DOCK9: variants seen among roughly 807,000 people sequenced by gnomAD.
The protein encoded by DOCK9 is dedicator of cytokinesis 9.
In DOCK9, 89 loss-of-function variants were observed where a neutral mutation model predicts 263.3. The observed-to-expected ratio is 0.34, with a 90% confidence interval of 0.28 to 0.40. DOCK9 has a LOEUF of 0.40. Among genes scored for constraint, DOCK9 ranks in the 10% least tolerant of loss-of-function variants. The pLI is 1.00. For synonymous variants in DOCK9, 976 were observed against 973.1 expected (o/e 1.00, Z -0.06); for missense variants, 2,140 against 2,603.4 (o/e 0.82, Z 3.87).
At chr13:98,955,716 A>C (rs1284239303) in intron 1 of DOCK9, among the ~76,000 whole-genome samples, 165 bp from the exon 2 acceptor site, 1 of 152,260 alleles carries the variant, frequency 6.6e-6, no homozygotes, top group East Asian at 1.9e-4. Flanking sequence ...AAAGGGACAA[A>C]AAATGCTGGG....
intron 2 of DOCK9, among the ~76,000 whole-genome samples, chr13:98,954,276 G>C (rs1223430888): frequency 6.6e-6 from 1 of 150,526 alleles, no homozygotes; most frequent in Non-Finnish European, 1.5e-5. Flanking sequence ...ATTCACAAAA[G>C]ACAGGGCTTA....
At chr13:99,077,827 T>C (rs551780624) in intron 1 of DOCK9, among the ~76,000 whole-genome samples, 3 of 152,318 alleles carry the variant, frequency 2.0e-5, no homozygotes, top group Non-Finnish European at 2.9e-5. Context: ...CAGGACAATA[T>C]GGAACTAGGC....
intron 18 of DOCK9, among the ~76,000 whole-genome samples, chr13:98,887,143 A>ATATATATATTTT (rs1470080750): frequency 6.3e-5 from 6 of 95,258 alleles, no homozygotes; most frequent in African/African-American, 2.6e-4. Flanking sequence ...ATATATATAT[A>ATATATATATTTT]TTTTTTTTTT....
chr13:98,978,945 T>C (rs1876148368), upstream of DOCK9, among the ~76,000 whole-genome samples: 1 of 152,200 alleles, frequency 6.6e-6, no homozygotes, highest in South Asian at 2.1e-4. Flanking sequence ...TGGAGTCTTT[T>C]TTACCTCTTG....
intron 1 of DOCK9, among the ~76,000 whole-genome samples, chr13:99,043,876 G>A (rs1888710155): frequency 6.6e-6 from 1 of 152,046 alleles, no homozygotes; most frequent in African/African-American, 2.4e-5. Flanking sequence ...TGCCACTACT[G>A]TAGGCAGGAC....
At chr13:98,798,869 T>C (rs1394380495) in intron 50 of DOCK9, among the ~76,000 whole-genome samples, 1 of 152,224 alleles carries the variant, frequency 6.6e-6, no homozygotes, top group Non-Finnish European at 1.5e-5. Context: ...ATGCTAAGTT[T>C]ACCATCAAAT....
At chr13:98,884,895 G>C (rs2045434122) in intron 21 of DOCK9, 76 bp downstream of exon 21, 1 of 1,472,644 alleles carries the variant, frequency 6.8e-7, no homozygotes, top group Admixed American at 2.2e-5. Flanking sequence ...TGCTTTTTGT[G>C]TGTTATTGTT....
At chr13:98,967,667 A>G (rs542044081) in intron 1 of DOCK9, among the ~76,000 whole-genome samples, 1 of 152,350 alleles carries the variant, frequency 6.6e-6, no homozygotes, top group East Asian at 1.9e-4. Context: ...CCACGTCGCC[A>G]GGGAGGAGGG....
chr13:99,020,360 G>T (rs1397858239), intron 1 of DOCK9, among the ~76,000 whole-genome samples: 1 of 152,100 alleles, frequency 6.6e-6, no homozygotes, highest in African/African-American at 2.4e-5. Context: ...CATTAACATG[G>T]GAGGTGGCTG....
intron 38 of DOCK9, among the ~76,000 whole-genome samples, chr13:98,843,744 A>G (rs1324873487): frequency 6.6e-6 from 1 of 152,148 alleles, no homozygotes; most frequent in Non-Finnish European, 1.5e-5. Context: ...ATGGAAATAA[A>G]CCATGTTAAC....
intron 2 of DOCK9, among the ~76,000 whole-genome samples, chr13:98,943,916 C>T (rs1290372680): frequency 3.9e-5 from 6 of 152,170 alleles, no homozygotes; most frequent in African/African-American, 9.7e-5. Context: ...CTACCCCTGA[C>T]GGAAGATATC....
chr13:98,901,716 T>C (rs116935887), intron 13 of DOCK9, 62 bp downstream of exon 13: 71,991 of 1,557,288 alleles, frequency 0.046, 2,248 homozygotes, highest in South Asian at 0.13. Flanking sequence ...ATTTATAGTA[T>C]CACATAAAGG....
intron 2 of DOCK9, among the ~76,000 whole-genome samples, chr13:98,951,722 G>C (rs560987580): frequency 1.3e-5 from 2 of 152,290 alleles, no homozygotes; most frequent in South Asian, 4.2e-4. Flanking sequence ...GAAAGATCTA[G>C]AAGAGAAGAT....
At chr13:98,815,974 A>G (rs1393493882) in intron 45 of DOCK9, among the ~76,000 whole-genome samples, 1 of 152,194 alleles carries the variant, frequency 6.6e-6, no homozygotes, top group Non-Finnish European at 1.5e-5. Flanking sequence ...CTCATTAAAA[A>G]TGAAAAATTC....
At chr13:98,823,830 T>G (rs1415994832) in intron 45 of DOCK9, among the ~76,000 whole-genome samples, 3 of 152,188 alleles carry the variant, frequency 2.0e-5, no homozygotes, top group African/African-American at 7.2e-5. Flanking sequence ...GCTACGGTGA[T>G]CTAATGTCAA....
chr13:98,954,714 G>A (rs1378296744), intron 2 of DOCK9, among the ~76,000 whole-genome samples: 2 of 152,142 alleles, frequency 1.3e-5, no homozygotes, highest in African/African-American at 2.4e-5. Context: ...AAGGCATGAC[G>A]AAATCTCCCA....
chr13:99,068,847 T>C (rs1332766557), intron 1 of DOCK9, among the ~76,000 whole-genome samples: 1 of 152,206 alleles, frequency 6.6e-6, no homozygotes, highest in Non-Finnish European at 1.5e-5. Flanking sequence ...CTAGCTAGTA[T>C]AATAGTTTAC....
At chr13:99,008,206 C>A (rs61968914) in intron 1 of DOCK9, among the ~76,000 whole-genome samples, 102 of 70,864 alleles carry the variant, frequency 1.4e-3, no homozygotes, top group Admixed American at 4.0e-3. Context: ...CTCTCTCTCT[C>A]TCTCTCTATA....
At chr13:99,010,979 C>A (rs543642269) in intron 1 of DOCK9, among the ~76,000 whole-genome samples, 1 of 152,336 alleles carries the variant, frequency 6.6e-6, no homozygotes, top group South Asian at 2.1e-4. Flanking sequence ...CTTACTGCAA[C>A]CTCCACCTCC....
Sources: allele counts gnomAD v4.1 joint callset (sites outside exome capture counted in the v4.1 genomes callset), GRCh38; gene constraint gnomAD v4.1.1; transcripts MANE v1.5; gene names NCBI Gene and HGNC (gene_info 2026-07-23, HGNC 2026-07-21).